ABCA13: variants seen among roughly 807,000 people sequenced by gnomAD.
ABCA13 encodes the protein ATP-binding cassette sub-family A member 13.
In ABCA13, 476 loss-of-function variants were observed where a neutral mutation model predicts 478.7. That is an observed-to-expected ratio of 0.99 (90% CI 0.92 to 1.07). The LOEUF (loss-of-function observed/expected upper bound fraction) is 1.07. Ranked by LOEUF, ABCA13 falls within the 50% of genes least tolerant of loss-of-function variation. The pLI is 0.00. For synonymous variants in ABCA13, 2,252 were observed against 2,158.9 expected (o/e 1.04, Z -1.20); for missense variants, 6,060 against 5,910.6 (o/e 1.03, Z -0.83).
chr7:48,326,732 C>A (rs138961866), intron 27 of ABCA13, among the ~76,000 whole-genome samples: 38 of 152,286 alleles, frequency 2.5e-4, no homozygotes, highest in African/African-American at 8.9e-4. Context: ...TTACTGTATT[C>A]TCCAAGTAGA....
chr7:48,375,956 T>G (rs1813411185), intron 34 of ABCA13, among the ~76,000 whole-genome samples: 1 of 152,174 alleles, frequency 6.6e-6, no homozygotes. Context: ...AATATTTTTC[T>G]TAAGTTGTAT....
At position 48,515,749 on chromosome 7, in the gene ABCA13, A is replaced by G. The variant is rs546549839; in HGVS notation, c.13641-976A>G. ...ACAGATGGTACCCCCTGTGCAGTGGATGCTGGAAGGAGGCTTTCAGTTTTT... is the reference window on the plus strand; with the variant it reads ...ACAGATGGTACCCCCTGTGCAGTGGGTGCTGGAAGGAGGCTTTCAGTTTTT... On this transcript the variant is annotated intron_variant, in intron 51 of 61. Coordinates refer to ENST00000435803, the MANE Select transcript of ABCA13 (RefSeq NM_152701.5). Among the ~76,000 whole-genome samples the G allele has an allele frequency of 3.9e-5, 6 of 152,288 alleles. No homozygotes were observed. In the East Asian group the frequency reaches 1.2e-3, roughly 29 times the overall value.
intron 58 of ABCA13, among the ~76,000 whole-genome samples, chr7:48,609,672 T>C (rs1016569456): frequency 2.6e-5 from 4 of 152,306 alleles, no homozygotes; most frequent in African/African-American, 9.6e-5. Context: ...TCCTGAAATA[T>C]CTGCATTGCC....
At chr7:48,325,574 A>T (rs74565959) in intron 27 of ABCA13, among the ~76,000 whole-genome samples, 1,718 of 152,074 alleles carry the variant, frequency 0.011, 43 homozygotes, top group African/African-American at 0.04. Flanking sequence ...TGGCATCTGC[A>T]TTTTTTTGCT....
At chr7:48,558,526 G>A (rs1786106528) in intron 55 of ABCA13, among the ~76,000 whole-genome samples, 1 of 152,048 alleles carries the variant, frequency 6.6e-6, no homozygotes, top group Non-Finnish European at 1.5e-5. Flanking sequence ...TTGAACTCCT[G>A]ACCTCAGGTG....
chr7:48,368,220 C>G (rs1811994436), intron 32 of ABCA13, among the ~76,000 whole-genome samples: 2 of 152,252 alleles, frequency 1.3e-5, no homozygotes, highest in African/African-American at 4.8e-5. Flanking sequence ...AGCAGACTTC[C>G]CATCTTAATT....
intron 23 of ABCA13, among the ~76,000 whole-genome samples, chr7:48,302,141 T>A (rs1299034125): frequency 1.3e-5 from 2 of 152,190 alleles, no homozygotes; most frequent in Non-Finnish European, 2.9e-5. Flanking sequence ...TGAACTGTGT[T>A]ATTCTTCCAT....
At chr7:48,415,316 AT>A (rs1394790136) in intron 41 of ABCA13, among the ~76,000 whole-genome samples, 5 of 152,006 alleles carry the variant, frequency 3.3e-5, no homozygotes, top group East Asian at 1.9e-4. Context: ...AAATAAAATA[AT>A]TTTTTTGGGG....
At chr7:48,590,485 T>C (rs994361334) in intron 57 of ABCA13, among the ~76,000 whole-genome samples, 2 of 152,182 alleles carry the variant, frequency 1.3e-5, no homozygotes, top group Non-Finnish European at 2.9e-5. Flanking sequence ...TTGATTTTAT[T>C]TCCTTTGGAT....
chr7:48,207,444 A>G (rs78123238), intron 3 of ABCA13, among the ~76,000 whole-genome samples: 5 of 151,712 alleles, frequency 3.3e-5, no homozygotes, highest in Admixed American at 2.6e-4. Flanking sequence ...CTTTTTCCCA[A>G]CCCCTCACTA....
intron 15 of ABCA13, among the ~76,000 whole-genome samples, chr7:48,260,961 G>A (rs1380476124): frequency 6.6e-6 from 1 of 151,682 alleles, no homozygotes; most frequent in Non-Finnish European, 1.5e-5. Context: ...CACTTTGTAG[G>A]TAAGTGATTT....
At position 48,299,908 on chromosome 7, in the gene ABCA13, G is replaced by A. The variant is rs146427704; in HGVS notation, c.9321+1421G>A. On this transcript the variant is annotated intron_variant, in intron 23 of 61. Coordinates refer to ENST00000435803, the MANE Select transcript of ABCA13 (RefSeq NM_152701.5). ...TCTTTCTCTACCTCTTTGTCAGTATGAATCATTATGATCGCCTAAACAGCT... is the reference window on the plus strand; with the variant it reads ...TCTTTCTCTACCTCTTTGTCAGTATAAATCATTATGATCGCCTAAACAGCT... Among the ~76,000 whole-genome samples, 67 of 152,254 alleles carry A rather than the reference G, an allele frequency of 4.4e-4. No individual in the cohort carries two copies. In the East Asian group the frequency reaches 0.012, roughly 28 times the overall value.
At chr7:48,623,519 C>T (rs1038230724) in intron 59 of ABCA13, among the ~76,000 whole-genome samples, 1 of 152,114 alleles carries the variant, frequency 6.6e-6, no homozygotes, top group Non-Finnish European at 1.5e-5. Flanking sequence ...TTGACTTAAC[C>T]ATATTCATCG....
At chr7:48,344,440 G>T (rs1174254052) in intron 29 of ABCA13, among the ~76,000 whole-genome samples, 1 of 152,210 alleles carries the variant, frequency 6.6e-6, no homozygotes, top group East Asian at 1.9e-4. Context: ...TGCCTGCCAT[G>T]TCTGGGGTCC....
chr7:48,335,413 A>G lies in ABCA13; in HGVS notation c.10000-9A>G. On this transcript the variant is annotated splice_polypyrimidine_tract_variant and intron_variant, in intron 27 of 61. Transcript: ENST00000435803. ...TAAGAGACATATCCAAATATGCTTC[A>G]TTTTGCAGGCTAATTACACCTTTTA... is the stretch of plus-strand genomic sequence containing the variant. 6.3e-7 allele frequency: 1 copy of G among 1,577,892 alleles called. No individual in the cohort carries two copies. The highest frequency in any genetic ancestry group is 1.1e-5 in the South Asian group (1 of 88,056).
chr7:48,473,837 C>G (rs76269624), intron 45 of ABCA13, among the ~76,000 whole-genome samples: 130 of 152,226 alleles, frequency 8.5e-4, no homozygotes, highest in African/African-American at 3.0e-3. Flanking sequence ...ATTTTAGAAG[C>G]CTTGCTTTTG....
chr7:48,628,212 A>C (rs2131623501), intron 59 of ABCA13, among the ~76,000 whole-genome samples: 1 of 152,336 alleles, frequency 6.6e-6, no homozygotes, highest in African/African-American at 2.4e-5. Flanking sequence ...TCATAGAAGA[A>C]GAAGAACACC....
In ABCA13 at chr7:48,172,797, C is replaced by CAAAAAA. The variant is rs36196847; in HGVS notation, c.69+1278_69+1283dup. 1.1e-4 allele frequency among the ~76,000 whole-genome samples: 8 copies of CAAAAAA among 75,512 alleles called. 1 individual carries two copies. The highest frequency in any genetic ancestry group is 4.3e-4 in the African/African-American group (8 of 18,590). The allele number at this position is 75,512 out of a possible 152,430, so 49.5% of individuals were successfully genotyped here. ...TGGGCGACAGAGCGAGACTCCGTCT[C>CAAAAAA]AAAAAAAAAAAAAAAAAAAAAAAAA... is the stretch of plus-strand genomic sequence containing the variant. On this transcript the variant is annotated intron_variant, in intron 1 of 61. Transcript: ENST00000435803.
At chr7:48,418,767 G>C (rs1820360883) in intron 41 of ABCA13, among the ~76,000 whole-genome samples, 1 of 152,114 alleles carries the variant, frequency 6.6e-6, no homozygotes, top group Non-Finnish European at 1.5e-5. Context: ...TGTATTTTCA[G>C]ATTAGACACT....
Sources: allele counts gnomAD v4.1 joint callset (sites outside exome capture counted in the v4.1 genomes callset), GRCh38; gene constraint gnomAD v4.1.1; transcripts MANE v1.5; gene names NCBI Gene and HGNC (gene_info 2026-07-23, HGNC 2026-07-21).